B3GALT1: variants seen among roughly 807,000 people sequenced by gnomAD.
The protein encoded by B3GALT1 is beta-1,3-galactosyltransferase 1, also known as UDP-Gal:betaGlcNAc beta 1,3-galactosyltransferase, polypeptide 1.
B3GALT1 carries 10 observed loss-of-function variants against 23.2 expected under a neutral mutation model. That is an observed-to-expected ratio of 0.43 (90% CI 0.27 to 0.73). The LOEUF (loss-of-function observed/expected upper bound fraction) is 0.73. Ranked by LOEUF, B3GALT1 falls within the 30% of genes least tolerant of loss-of-function variation. B3GALT1 has a pLI of 0.21. For synonymous variants in B3GALT1, 156 were observed against 141.5 expected (o/e 1.10, Z -0.73); for missense variants, 299 against 405.4 (o/e 0.74, Z 2.25).
At chr2:167,324,347 C>T (rs1389401128) in intron 1 of B3GALT1, among the ~76,000 whole-genome samples, 1 of 151,804 alleles carries the variant, frequency 6.6e-6, no homozygotes, top group Non-Finnish European at 1.5e-5. Context: ...AAATTCTCTA[C>T]TTGTTTTGAT....
At chr2:167,363,297 T>A (rs1697528016) in intron 1 of B3GALT1, among the ~76,000 whole-genome samples, 1 of 151,976 alleles carries the variant, frequency 6.6e-6, no homozygotes, top group Non-Finnish European at 1.5e-5. Context: ...TTGTGATAAT[T>A]TTTTTACTCA....
intron 2 of B3GALT1, among the ~76,000 whole-genome samples, chr2:167,558,862 C>T (rs990484301): frequency 6.6e-6 from 1 of 152,226 alleles, no homozygotes; most frequent in Admixed American, 6.5e-5. Context: ...CCTCTGTAGG[C>T]TCCACCTCTG....
At chr2:167,762,688 A>G (rs2105299616) in intron 3 of B3GALT1, among the ~76,000 whole-genome samples, 1 of 152,226 alleles carries the variant, frequency 6.6e-6, no homozygotes, top group South Asian at 2.1e-4. Context: ...GCCTCTTTGC[A>G]CTTAGAGTTT....
At chr2:167,833,664 T>C (rs2105382886) in intron 4 of B3GALT1, among the ~76,000 whole-genome samples, 1 of 152,364 alleles carries the variant, frequency 6.6e-6, no homozygotes, top group Non-Finnish European at 1.5e-5. Flanking sequence ...GAAAGTTACC[T>C]ATCTATCTAA....
chr2:167,512,546 G>A lies in B3GALT1; in HGVS notation c.-410+22269G>A, dbSNP rs868836832. Among the ~76,000 whole-genome samples the A allele has an allele frequency of 1.8e-3, 145 of 80,196 alleles. 2 individuals are homozygous for A. Among genetic ancestry groups the A allele is most frequent in the African/African-American group, 6.4e-3 (117 of 18,230 alleles). The allele number at this position is 80,196 out of a possible 152,430, so 52.6% of individuals were successfully genotyped here. A position where few individuals can be genotyped will look rare whatever the true frequency, so the allele number is the denominator to read the frequency against. The stretch of plus-strand genomic sequence containing the variant: ...TATATGTGTGTGTGTATATATATAT[G>A]TATATATATGTATATATATATGTAT... On this transcript the variant is annotated intron_variant, in intron 2 of 4. Coordinates refer to ENST00000392690, the MANE Select transcript of B3GALT1 (RefSeq NM_020981.4).
chr2:167,538,446 T>C (rs539715257), intron 2 of B3GALT1, among the ~76,000 whole-genome samples: 85 of 152,318 alleles, frequency 5.6e-4, no homozygotes, highest in African/African-American at 2.0e-3. Flanking sequence ...GTAGGGTGGT[T>C]GAGGATATAA....
rs987793530 is a variant in B3GALT1, at chr2:167,442,363, T to G, written c.-510-47814T>G. Among the ~76,000 whole-genome samples the G allele has an allele frequency of 8.5e-5, 13 of 152,262 alleles. No homozygotes were observed. The South Asian group carries it at 1.2e-3, about 15-fold the overall frequency. ...TACGTGTGCATGTGTCTTTATAGCA[T>G]CATGATTTATAGTCCTTTGGGTATA... On this transcript the variant is annotated intron_variant, in intron 1 of 4. Transcript: ENST00000392690.
At chr2:167,831,704 C>T (rs756274017) in intron 4 of B3GALT1, among the ~76,000 whole-genome samples, 12 of 152,084 alleles carry the variant, frequency 7.9e-5, no homozygotes, top group Non-Finnish European at 1.6e-4. Context: ...CATTTTTGAG[C>T]CTCACTGGTT....
At chr2:167,645,605 A>G (rs979586839) in intron 2 of B3GALT1, among the ~76,000 whole-genome samples, 22 of 114,670 alleles carry the variant, frequency 1.9e-4, no homozygotes, top group African/African-American at 7.4e-4. Context: ...TCTGTCACCC[A>G]GGCTGGAAAT....
rs555270669 is a variant in B3GALT1, at chr2:167,501,283, A to G, written c.-410+11006A>G. Among the ~76,000 whole-genome samples, 6 of 152,086 alleles carry G rather than the reference A, an allele frequency of 3.9e-5. No homozygotes were observed. In the South Asian group the frequency reaches 1.2e-3, roughly 32 times the overall value. On this transcript the variant is annotated intron_variant, in intron 2 of 4. Coordinates refer to ENST00000392690, the MANE Select transcript of B3GALT1 (RefSeq NM_020981.4). ...TTTGTTTTTTTCTTTCTGATTGTGT[A>G]TTATTAAATAGCAAATGAAAGCAAA...
chr2:167,479,975 G>A (rs867094681), intron 1 of B3GALT1, among the ~76,000 whole-genome samples: 11 of 152,050 alleles, frequency 7.2e-5, no homozygotes, highest in African/African-American at 2.7e-4. Flanking sequence ...TCTGCCTCTG[G>A]CTGGGGCCAC....
At chr2:167,859,504 A>G (rs1038900354) in intron 4 of B3GALT1, among the ~76,000 whole-genome samples, 3 of 152,154 alleles carry the variant, frequency 2.0e-5, no homozygotes. Flanking sequence ...ACACACAAAG[A>G]CATCCTCATC....
intron 3 of B3GALT1, among the ~76,000 whole-genome samples, chr2:167,808,614 C>T (rs1249590184): frequency 6.6e-6 from 1 of 151,618 alleles, no homozygotes; most frequent in Non-Finnish European, 1.5e-5. Flanking sequence ...TGTTGGCCCC[C>T]ACTCTCTTCT....
intron 3 of B3GALT1, among the ~76,000 whole-genome samples, chr2:167,734,133 T>A (rs1024635082): frequency 6.6e-6 from 1 of 152,026 alleles, no homozygotes; most frequent in Admixed American, 6.6e-5. Flanking sequence ...CATCCAAGAG[T>A]CATATTTACA....
intron 1 of B3GALT1, among the ~76,000 whole-genome samples, chr2:167,387,822 G>A (rs577207573): frequency 1.9e-4 from 29 of 152,230 alleles, no homozygotes; most frequent in African/African-American, 6.3e-4. Flanking sequence ...TCCCACAAAA[G>A]GCTAAAAAGT....
chr2:167,572,731 A>G (rs918881200), intron 2 of B3GALT1, among the ~76,000 whole-genome samples: 4 of 151,690 alleles, frequency 2.6e-5, no homozygotes, highest in Non-Finnish European at 3.0e-5. Flanking sequence ...ATCATTTGGT[A>G]GGTGACCTAG....
chr2:167,563,373 C>T (rs551909904), intron 2 of B3GALT1, among the ~76,000 whole-genome samples: 4 of 139,820 alleles, frequency 2.9e-5, no homozygotes, highest in South Asian at 2.3e-4. Flanking sequence ...CCCCCACCTC[C>T]CTCCCTCCCG....
intron 3 of B3GALT1, among the ~76,000 whole-genome samples, chr2:167,777,456 C>G (rs1688179454): frequency 6.6e-6 from 1 of 152,186 alleles, no homozygotes; most frequent in South Asian, 2.1e-4. Flanking sequence ...AAGCAATTGT[C>G]CTGCCTCAGC....
chr2:167,768,826 T>C (rs1688020388), intron 3 of B3GALT1, among the ~76,000 whole-genome samples: 1 of 152,214 alleles, frequency 6.6e-6, no homozygotes, highest in East Asian at 1.9e-4. Flanking sequence ...GGTCTGACTG[T>C]GCTTGATAGC....
Sources: allele counts gnomAD v4.1 joint callset (sites outside exome capture counted in the v4.1 genomes callset), GRCh38; gene constraint gnomAD v4.1.1; transcripts MANE v1.5; gene names NCBI Gene and HGNC (gene_info 2026-07-23, HGNC 2026-07-21).